The following PTPDC1 variants were observed in gnomAD, a reference collection of about 807,000 sequenced individuals.
The protein encoded by PTPDC1 is protein tyrosine phosphatase domain-containing protein 1.
Under a neutral mutation model 75.3 loss-of-function variants are expected in PTPDC1, and 53 were observed. The observed-to-expected ratio is 0.70, with a 90% CI of 0.56 to 0.88. PTPDC1 has a LOEUF of 0.88. Among genes scored for constraint, PTPDC1 ranks in the 40% least tolerant of loss-of-function variants. The pLI, the probability that PTPDC1 is intolerant of heterozygous loss-of-function variation, is 0.00. For missense variants in PTPDC1, 925 were observed against 998.6 expected, an observed-to-expected ratio of 0.93 and a Z score of 0.99; for synonymous variants, 349 against 366.2, an observed-to-expected ratio of 0.95 and a Z score of 0.54.
intron 1 of PTPDC1, among the ~76,000 whole-genome samples, chr9:94,036,614 C>T (rs1825278199): frequency 2.0e-5 from 3 of 152,080 alleles, no homozygotes; most frequent in Admixed American, 2.0e-4. Flanking sequence ...TGATAAGTTC[C>T]ACCACAAGGC....
chr9:94,081,462 A>G (rs547609074), upstream of PTPDC1, among the ~76,000 whole-genome samples: 1 of 152,352 alleles, frequency 6.6e-6, no homozygotes, highest in African/African-American at 2.4e-5. Flanking sequence ...TAGGAATTCA[A>G]GGCTGCAGTG....
At position 94,107,826 on chromosome 9, in the gene PTPDC1, A is replaced by G; in HGVS notation, c.2311-2A>G. On this transcript the variant is annotated splice_acceptor_variant, in intron 8 of 8. Coordinates refer to ENST00000620992, the MANE Select transcript of PTPDC1 (RefSeq NM_001253829.2). LOFTEE classifies it high-confidence loss of function. ...CCTGAATATAAATTTCTTTGTCACCAGGTTAATTTTGATTCTGAAAATGGA... is the reference window on the plus strand; with the variant it reads ...CCTGAATATAAATTTCTTTGTCACCGGGTTAATTTTGATTCTGAAAATGGA... 6.5e-7 allele frequency: 1 copy of G among 1,548,566 alleles called. No homozygotes were observed.
chr9:94,103,839 G>T (rs1827926683), intron 7 of PTPDC1, among the ~76,000 whole-genome samples: 2 of 152,102 alleles, frequency 1.3e-5, no homozygotes, highest in Non-Finnish European at 2.9e-5. Context: ...TTGTCTACCT[G>T]CCTCCCTCCA....
At chr9:94,067,329 G>T (rs1392452791) in intron 2 of PTPDC1, among the ~76,000 whole-genome samples, 1 of 151,890 alleles carries the variant, frequency 6.6e-6, no homozygotes, top group Admixed American at 6.6e-5. Flanking sequence ...GGTAGAGGTT[G>T]CAGGGAGCCA....
chr9:94,105,408 G>T (rs1360768134), intron 8 of PTPDC1, among the ~76,000 whole-genome samples: 1 of 152,226 alleles, frequency 6.6e-6, no homozygotes, highest in Non-Finnish European at 1.5e-5. Context: ...GGTGGCTTAC[G>T]CCTGTGATCC....
upstream of PTPDC1, among the ~76,000 whole-genome samples, chr9:94,082,951 G>T (rs1826933993): frequency 6.6e-6 from 1 of 152,132 alleles, no homozygotes; most frequent in East Asian, 1.9e-4. Flanking sequence ...AGTTACTTTT[G>T]ACTTTTCTCT....
chr9:94,062,157 T>G (rs1284526877), intron 1 of PTPDC1, among the ~76,000 whole-genome samples: 1 of 152,160 alleles, frequency 6.6e-6, no homozygotes, highest in Non-Finnish European at 1.5e-5. Context: ...AAATTCTCTC[T>G]CAAGTTCAAA....
Position 94,034,928 on chromosome 9 carries a change from A to G in PTPDC1, c.-7+3801A>G, listed in dbSNP as rs560865737. Reference sequence around the variant, plus strand: ...CTAAGTCAAGCTAATTAATATATTCATCACCTCACGTACTTATTTTTTGTG... The same window carrying G: ...CTAAGTCAAGCTAATTAATATATTCGTCACCTCACGTACTTATTTTTTGTG... On this transcript the variant is annotated intron_variant, in intron 1 of 9. Transcript: ENST00000375360. Among the ~76,000 whole-genome samples, 21 of 152,320 alleles carry G rather than the reference A, an allele frequency of 1.4e-4. 1 individual carries two copies. In the South Asian group the frequency reaches 4.1e-3, roughly 30 times the overall value.
intron 5 of PTPDC1, 138 bp downstream of exon 5, chr9:94,095,592 G>C (rs1827534649): frequency 8.9e-6 from 6 of 670,628 alleles, no homozygotes; most frequent in Admixed American, 5.7e-5. Flanking sequence ...ATAAGTTCTA[G>C]TGTTCTGTAC....
intron 4 of PTPDC1, 74 bp from the exon 5 acceptor site, chr9:94,095,243 G>GGTCGTCA: frequency 8.5e-7 from 1 of 1,181,316 alleles, no homozygotes. Flanking sequence ...GTAGATCTGT[G>GGTCGTCA]TACTTTTCAT....
rs1825754360 is a variant in PTPDC1 at position 94,050,481 on chromosome 9, C to T, written c.-6-14253C>T. ...TGTTGGAGTTTGCTGGAGGTCCACT[C>T]CAGACCCTGTTTGCCTGGATATCAG... On this transcript the variant is annotated intron_variant, in intron 1 of 9. Transcript: ENST00000375360. Among the ~76,000 whole-genome samples the T allele has an allele frequency of 2.6e-5, 4 of 152,336 alleles. No individual in the cohort carries two copies. The South Asian group carries it at 8.3e-4, about 32-fold the overall frequency.
At chr9:94,060,558 T>C (rs896607497) in intron 1 of PTPDC1, among the ~76,000 whole-genome samples, 2 of 151,830 alleles carry the variant, frequency 1.3e-5, no homozygotes, top group Non-Finnish European at 2.9e-5. Context: ...AGAAAAGAGG[T>C]TTAATTGGCT....
intron 1 of PTPDC1, 50 bp downstream of exon 1, chr9:94,084,824 A>G: frequency 7.8e-7 from 1 of 1,289,542 alleles, no homozygotes; most frequent in East Asian, 2.4e-5. Context: ...AGTTTGAGGA[A>G]TGGGAATCAG....
chr9:94,098,255 A>G lies in PTPDC1; in HGVS notation c.1689A>G (p.Ala563=). 6.8e-6 allele frequency: 11 copies of G among 1,614,224 alleles called. No homozygotes were observed. The highest frequency in any genetic ancestry group is 9.3e-6 in the Non-Finnish European group (11 of 1,180,036). ...GGGAGCCAGTTTCACCCAGCTTTGC[A>G]AATGTCCATAAGGATCCAAACCCTG... ...SPGEPVSPSF[A]NVHKDPNPAH... Residue 563 remains alanine (A), a synonymous_variant, in exon 6 of 9, where the codon GCA becomes GCG. Coordinates refer to ENST00000620992, the MANE Select transcript of PTPDC1 (RefSeq NM_001253829.2).
intron 1 of PTPDC1, among the ~76,000 whole-genome samples, chr9:94,033,719 A>G (rs1226186939): frequency 1.3e-5 from 2 of 152,224 alleles, no homozygotes; most frequent in Non-Finnish European, 2.9e-5. Flanking sequence ...CAAATTTATG[A>G]GTTCCTATCC....
At chr9:94,046,759 G>A (rs1825612057) in intron 1 of PTPDC1, among the ~76,000 whole-genome samples, 1 of 152,106 alleles carries the variant, frequency 6.6e-6, no homozygotes, top group African/African-American at 2.4e-5. Context: ...AGACAATGGG[G>A]TTTTCTAGAT....
chr9:94,107,623 G>T (rs976422667), intron 8 of PTPDC1, among the ~76,000 whole-genome samples: 2 of 152,114 alleles, frequency 1.3e-5, no homozygotes, highest in African/African-American at 4.8e-5. Context: ...ATTTAATTTT[G>T]GGGTTTTCAT....
At position 94,107,816 on chromosome 9, in the gene PTPDC1, C is replaced by A. The variant is rs762072322; in HGVS notation, c.2311-12C>A. 5 of 1,498,350 alleles carry A rather than the reference C, an allele frequency of 3.3e-6. No individual in the cohort carries two copies. Among genetic ancestry groups the A allele is most frequent in the East Asian group, 2.3e-5 (1 of 42,712 alleles). The allele number at this position is 1,498,350 out of a possible 1,614,324, so 92.8% of individuals were successfully genotyped here. ...GTTACAGTGTCCTGAATATAAATTTCTTTGTCACCAGGTTAATTTTGATTC... is the reference window on the plus strand; with the variant it reads ...GTTACAGTGTCCTGAATATAAATTTATTTGTCACCAGGTTAATTTTGATTC... On this transcript the variant is annotated splice_polypyrimidine_tract_variant and intron_variant, in intron 8 of 8. Transcript: ENST00000620992.
intron 2 of PTPDC1, among the ~76,000 whole-genome samples, chr9:94,068,867 C>A (rs1323585807): frequency 6.6e-6 from 1 of 152,240 alleles, no homozygotes; most frequent in South Asian, 2.1e-4. Context: ...ATTTATTTAG[C>A]GTGGATTCCT....
Sources: allele counts gnomAD v4.1 joint callset (sites outside exome capture counted in the v4.1 genomes callset), GRCh38; gene constraint gnomAD v4.1.1; transcripts MANE v1.5; gene names NCBI Gene and HGNC (gene_info 2026-07-23, HGNC 2026-07-21).